Variants in CRCP observed in about 807,000 individuals in gnomAD.
CRCP encodes the protein CGRP receptor component, also known as DNA-directed RNA polymerase III subunit RPC9.
In CRCP, 18 loss-of-function variants were observed where a neutral mutation model predicts 18.5. The observed-to-expected ratio is 0.97, with a 90% CI of 0.67 to 1.44. The LOEUF (loss-of-function observed/expected upper bound fraction) is 1.44, where lower values mean the gene tolerates loss of function less well. Ranked by LOEUF, CRCP falls within the 40% of genes most tolerant of loss-of-function variation. CRCP has a pLI of 0.00. For missense variants in CRCP, 130 were observed against 176.4 expected, an observed-to-expected ratio of 0.74 and a Z score of 1.49; for synonymous variants, 53 against 62.9, an observed-to-expected ratio of 0.84 and a Z score of 0.75.
intron 3 of CRCP, among the ~76,000 whole-genome samples, chr7:66,133,858 C>CTTTT (rs751345422): frequency 1.0e-5 from 1 of 96,718 alleles, no homozygotes; most frequent in African/African-American, 4.3e-5. Context: ...TTTTTGTTTT[C>CTTTT]TTTTTTTTTT....
At chr7:66,135,579 G>A (rs1349277246) in intron 4 of CRCP, among the ~76,000 whole-genome samples, 5 of 152,096 alleles carry the variant, frequency 3.3e-5, no homozygotes, top group South Asian at 2.1e-4. Context: ...GTGCAAGTTT[G>A]TTACATATGT....
chr7:66,139,110 CT>C (rs1055708985), intron 4 of CRCP, among the ~76,000 whole-genome samples: 9 of 151,918 alleles, frequency 5.9e-5, no homozygotes, highest in Non-Finnish European at 1.0e-4. Flanking sequence ...AATAATTTCT[CT>C]TTTTTTTCCT....
At chr7:66,131,504 T>G (rs316312) in intron 3 of CRCP, among the ~76,000 whole-genome samples, 15,838 of 152,128 alleles carry the variant, frequency 0.1, 1,004 homozygotes, top group South Asian at 0.2. Context: ...CTGGCTATTT[T>G]TTGTTGTTGT....
intron 1 of CRCP, among the ~76,000 whole-genome samples, chr7:66,123,262 G>GTA (rs1468096027): frequency 2.1e-4 from 32 of 151,988 alleles, no homozygotes; most frequent in African/African-American, 7.5e-4. Context: ...CGTAAAATGA[G>GTA]TACTATTCTA....
intron 1 of CRCP, among the ~76,000 whole-genome samples, chr7:66,122,872 T>C (rs1787488138): frequency 6.6e-6 from 1 of 152,162 alleles, no homozygotes; most frequent in South Asian, 2.1e-4. Flanking sequence ...CCCTGGACTT[T>C]TTTCTAGACA....
intron 2 of CRCP, among the ~76,000 whole-genome samples, chr7:66,129,338 AT>A (rs1358966390): frequency 6.6e-6 from 1 of 152,184 alleles, no homozygotes; most frequent in African/African-American, 2.4e-5. Flanking sequence ...CTCAAAAAAA[AT>A]AAAAATAAAT....
chr7:66,115,276 CG>C (rs1787223640), intron 1 of CRCP, among the ~76,000 whole-genome samples: 1 of 152,144 alleles, frequency 6.6e-6, no homozygotes, highest in African/African-American at 2.4e-5. Context: ...GGTCACAGTG[CG>C]GGGGTGGAGC....
At chr7:66,123,298 TGTATA>T (rs1472927542) in intron 1 of CRCP, among the ~76,000 whole-genome samples, 2 of 152,166 alleles carry the variant, frequency 1.3e-5, no homozygotes, top group East Asian at 3.9e-4. Flanking sequence ...TATGAAGTTT[TGTATA>T]GGTAAGCAGT....
chr7:66,127,631 A>G, intron 1 of CRCP, 73 bp from the exon 2 acceptor site: 1 of 1,539,888 alleles, frequency 6.5e-7, no homozygotes. Flanking sequence ...CTTGACAGGA[A>G]TTCTTTTACA....
At chr7:66,125,009 T>A (rs949950454) in intron 1 of CRCP, among the ~76,000 whole-genome samples, 2 of 149,678 alleles carry the variant, frequency 1.3e-5, no homozygotes, top group East Asian at 2.0e-4. Context: ...TTTCCTTAGC[T>A]TCTTTTTGTG....
intron 4 of CRCP, among the ~76,000 whole-genome samples, chr7:66,137,290 C>T (rs1788000272): frequency 6.6e-6 from 1 of 152,168 alleles, no homozygotes; most frequent in Non-Finnish European, 1.5e-5. Flanking sequence ...GTACAGCTGA[C>T]TTTATATTGA....
chr7:66,142,555 G>A (rs778866084), intron 4 of CRCP, among the ~76,000 whole-genome samples: 3 of 152,190 alleles, frequency 2.0e-5, no homozygotes, highest in Non-Finnish European at 2.9e-5. Flanking sequence ...GTGCAGTGGT[G>A]TGATCATAGC....
intron 1 of CRCP, among the ~76,000 whole-genome samples, chr7:66,121,642 G>C (rs1787445702): frequency 6.6e-6 from 1 of 151,924 alleles, no homozygotes; most frequent in Non-Finnish European, 1.5e-5. Flanking sequence ...AGCAAAATTA[G>C]GTATTTCTAT....
intron 5 of CRCP, among the ~76,000 whole-genome samples, chr7:66,150,207 G>A (rs1788416647): frequency 1.3e-5 from 2 of 151,726 alleles, no homozygotes; most frequent in South Asian, 4.2e-4. Context: ...CCTGAGGTCA[G>A]GAGTTCGAGA....
chr7:66,152,550 G>A lies in CRCP; in HGVS notation c.*193G>A, dbSNP rs575351642. ...GGGGAGAAGAAACATGGTGAAAACAGGCTGAGGTTGTCAGGGCAGAGAGCT... is the reference window on the plus strand; with the variant it reads ...GGGGAGAAGAAACATGGTGAAAACAAGCTGAGGTTGTCAGGGCAGAGAGCT... On this transcript the variant is annotated 3_prime_UTR_variant, in exon 6 of 6. Coordinates refer to ENST00000395326, the MANE Select transcript of CRCP (RefSeq NM_014478.5). 15 of 611,104 alleles carry A rather than the reference G, an allele frequency of 2.5e-5. No homozygotes were observed. The East Asian group carries it at 4.0e-4, about 16-fold the overall frequency. 37.9% of individuals were successfully genotyped at this position (611,104 alleles called of 1,614,324 possible). A position where few individuals can be genotyped will look rare whatever the true frequency, so the allele number is the denominator to read the frequency against.
chr7:66,122,473 A>T (rs1787475237), intron 1 of CRCP, among the ~76,000 whole-genome samples: 1 of 150,050 alleles, frequency 6.7e-6, no homozygotes, highest in South Asian at 2.1e-4. Flanking sequence ...TGTTCTGTTT[A>T]TTTGGAATTC....
In CRCP at chr7:66,153,939, T is replaced by A. The variant is rs759457228; in HGVS notation, c.*1582T>A. 7 of 151,964 alleles carry A rather than the reference T, an allele frequency of 4.6e-5. No homozygotes were observed. The highest frequency in any genetic ancestry group is 5.9e-5 in the Non-Finnish European group (4 of 68,062). The allele number at this position is 151,964 out of a possible 1,614,324, so 9.4% of individuals were successfully genotyped here. A position where few individuals can be genotyped will look rare whatever the true frequency, so the allele number is the denominator to read the frequency against. ...AGCCGAGCGTGGTGTTGCATGCCTG[T>A]GATCCCAGCTACTCGGGAGGCTGAG... On this transcript the variant is annotated 3_prime_UTR_variant, in exon 6 of 6. Transcript: ENST00000395326.
rs1787990132 is a variant in CRCP, at chr7:66,137,004, C to T, written c.239+2630C>T. ...GCTGAGGCAGGAGAATCACTTGAAC[C>T]TGGGAGATGGAGGTTGCAGTGAGCC... On this transcript the variant is annotated intron_variant, in intron 4 of 5. Coordinates refer to ENST00000395326, the MANE Select transcript of CRCP (RefSeq NM_014478.5). Among the ~76,000 whole-genome samples the T allele has an allele frequency of 2.0e-5, 3 of 151,898 alleles. No individual in the cohort carries two copies. The South Asian group carries it at 6.3e-4, about 32-fold the overall frequency.
intron 1 of CRCP, among the ~76,000 whole-genome samples, chr7:66,123,749 CAAA>C (rs35581711): frequency 2.2e-5 from 3 of 138,562 alleles, no homozygotes; most frequent in Non-Finnish European, 1.6e-5. Context: ...ACTCTTGTCT[CAAA>C]AAAAAAAAAA....
Sources: gnomAD v4.1 joint callset for allele counts (sites outside exome capture counted in the v4.1 genomes callset) on GRCh38, gnomAD v4.1.1 for gene constraint, MANE v1.5 for transcripts, NCBI Gene and HGNC (gene_info 2026-07-23, HGNC 2026-07-21) for gene names.